Variants in COCH observed in about 807,000 individuals in gnomAD.
COCH encodes coagulation factor C homolog, cochlin (Limulus polyphemus).
In COCH, 40 loss-of-function variants were observed where a neutral mutation model predicts 54.8. The observed-to-expected ratio is 0.73, with a 90% CI of 0.57 to 0.95. COCH has a LOEUF of 0.95. COCH is among the 40% of genes least tolerant of loss of function. The pLI is 0.00. For synonymous variants in COCH, 256 were observed against 237.9 expected, an observed-to-expected ratio of 1.08 and a Z score of -0.70; for missense variants, 605 against 675.0, an observed-to-expected ratio of 0.90 and a Z score of 1.15.
chr14:30,889,519 C>T, intron 11 of COCH, 97 bp from the exon 12 acceptor site: 2 of 1,102,716 alleles, frequency 1.8e-6, no homozygotes, highest in Non-Finnish European at 1.4e-6. Flanking sequence ...GCAGTTTTCG[C>T]TGCAACTATG....
chr14:30,884,762 C>G, intron 9 of COCH, 106 bp downstream of exon 9: 1 of 1,284,486 alleles, frequency 7.8e-7, no homozygotes, highest in African/African-American at 1.5e-5. Flanking sequence ...TGAAATCCTC[C>G]TGGAACTGAA....
intron 8 of COCH, among the ~76,000 whole-genome samples, chr14:30,883,276 C>A (rs879634264): frequency 1.3e-5 from 2 of 152,188 alleles, no homozygotes; most frequent in Non-Finnish European, 2.9e-5. Flanking sequence ...TCCCATGAGG[C>A]AAATTCCCCT....
rs1895759581 is a variant in COCH at position 30,885,605 on chromosome 14, C to T, written c.945C>T (p.Val315=). The T allele has an allele frequency of 6.2e-7, 1 of 1,600,146 alleles. No homozygotes were observed. Among genetic ancestry groups the T allele is most frequent in the African/African-American group, 1.3e-5 (1 of 74,614 alleles). The change falls in exon 10 of 12, where the codon GTC becomes GTT. Residue 315 remains valine, a synonymous_variant. Coordinates refer to ENST00000396618, the MANE Select transcript of COCH (RefSeq NM_004086.3). ...IPEELGMVQD[V]TFVDKAVCRN... ...AAGAACTGGGGATGGTTCAGGATGT[C>T]ACATTTGTTGACAAGGTAAAGTGGT...
Position 30,885,820 on chromosome 14 carries a change from T to C in COCH, c.985T>C (p.Phe329Leu). ...GGCTGTCTGTCGGAATAATGGCTTCTTCTCTTACCACATGCCCAACTGGTT... is the reference window on the plus strand; with the variant it reads ...GGCTGTCTGTCGGAATAATGGCTTCCTCTCTTACCACATGCCCAACTGGTT... ...DKAVCRNNGF[F>L]SYHMPNWFGT... is the part of the protein sequence containing the mutation. Residue 329 changes from phenylalanine (F) to leucine (L), a missense_variant, in exon 11 of 12, where the codon TTC becomes CTC. By Grantham distance (22) the Phe-to-Leu change is conservative (BLOSUM62 0). Coordinates refer to ENST00000396618, the MANE Select transcript of COCH (RefSeq NM_004086.3). 6.2e-7 allele frequency: 1 copy of C among 1,614,144 alleles called. No individual in the cohort carries two copies. Among genetic ancestry groups the C allele is most frequent in the Non-Finnish European group, 8.5e-7 (1 of 1,180,026 alleles).
intron 11 of COCH, among the ~76,000 whole-genome samples, chr14:30,888,793 A>G (rs80063876): frequency 8.6e-5 from 7 of 81,792 alleles, no homozygotes; most frequent in Non-Finnish European, 1.9e-4. Flanking sequence ...CCTGTCTGAG[A>G]AAAAAAAAAA....
At position 30,877,098 on chromosome 14, in the gene COCH, C is replaced by T. The variant is rs529550178; in HGVS notation, c.83-474C>T. On this transcript the variant is annotated intron_variant, in intron 3 of 11. Coordinates refer to ENST00000396618, the MANE Select transcript of COCH (RefSeq NM_004086.3). The surrounding 1 kb of genome is among the most constrained non-coding windows in gnomAD (Gnocchi z 8.6). ...TGCTGGGATTATAGGCATGAGTCAC[C>T]ACGCCCAGCCAAGATTTTTTATATT... Among the ~76,000 whole-genome samples, 52 of 152,150 alleles carry T rather than the reference C, an allele frequency of 3.4e-4. 1 individual carries two copies. The South Asian group carries it at 5.4e-3, about 16-fold the overall frequency.
At chr14:30,888,769 C>T (rs1895879004) in intron 11 of COCH, among the ~76,000 whole-genome samples, 1 of 132,902 alleles carries the variant, frequency 7.5e-6, no homozygotes, top group Non-Finnish European at 1.6e-5. Flanking sequence ...CCAGCATGGG[C>T]AAAAGAGCCA....
chr14:30,885,784 C>T lies in COCH; in HGVS notation c.961-12C>T. ...ATCCTTTTGGATATCTTTTATGTGT[C>T]TCCCCCATTAGGCTGTCTGTCGGAA... On this transcript the variant is annotated splice_polypyrimidine_tract_variant and intron_variant, in intron 10 of 11. Transcript: ENST00000396618. 6.2e-7 allele frequency: 1 copy of T among 1,613,630 alleles called. No homozygotes were observed. The highest frequency in any genetic ancestry group is 1.1e-5 in the South Asian group (1 of 91,072).
At chr14:30,883,123 A>C (rs1895671590) in intron 8 of COCH, among the ~76,000 whole-genome samples, 1 of 152,246 alleles carries the variant, frequency 6.6e-6, no homozygotes, top group African/African-American at 2.4e-5. Flanking sequence ...CCTTAAAAAA[A>C]ATGTGTTCCT....
chr14:30,879,124 G>A (rs2138845389), intron 5 of COCH, among the ~76,000 whole-genome samples, 180 bp downstream of exon 5: 1 of 152,208 alleles, frequency 6.6e-6, no homozygotes, highest in South Asian at 2.1e-4. Context: ...GCCAAATTTG[G>A]GTGAATAGAA....
chr14:30,879,080 G>A, intron 5 of COCH, 136 bp downstream of exon 5: 1 of 1,310,830 alleles, frequency 7.6e-7, no homozygotes, highest in Non-Finnish European at 1.1e-6. Context: ...GAGGTAAACT[G>A]TAGGTTAGAC....
chr14:30,879,520 G>C, intron 6 of COCH, 35 bp downstream of exon 6: 2 of 1,604,324 alleles, frequency 1.2e-6, no homozygotes, highest in African/African-American at 1.3e-5. Context: ...TAGTTGCCCG[G>C]CACAGCATTT....
At chr14:30,882,120 G>GTTTTTTGT (rs1895618463) in intron 8 of COCH, among the ~76,000 whole-genome samples, 4 of 67,894 alleles carry the variant, frequency 5.9e-5, no homozygotes, top group African/African-American at 2.6e-4. Flanking sequence ...CTATAAAATG[G>GTTTTTTGT]TTTTTTTTTT....
intron 3 of COCH, chr14:30,875,393 C>G (rs1895321011): frequency 3.3e-6 from 2 of 597,508 alleles, no homozygotes; most frequent in Non-Finnish European, 5.9e-6. Context: ...GACCCCGGGC[C>G]CGCTGAGCGC....
chr14:30,888,414 A>G (rs1008469871), intron 11 of COCH, among the ~76,000 whole-genome samples: 1 of 152,152 alleles, frequency 6.6e-6, no homozygotes, highest in Non-Finnish European at 1.5e-5. Flanking sequence ...CTGTAGAGGA[A>G]AACTATTACA....
intron 8 of COCH, among the ~76,000 whole-genome samples, chr14:30,883,843 A>G (rs965291566): frequency 4.6e-5 from 7 of 152,252 alleles, no homozygotes; most frequent in Non-Finnish European, 8.8e-5. Context: ...TACAATACAC[A>G]TAATTTTAAG....
chr14:30,894,935 C>A (rs1594399043), downstream of COCH: 7 of 1,060,964 alleles, frequency 6.6e-6, no homozygotes, highest in South Asian at 1.7e-5. Context: ...AAAAGGGAAT[C>A]TGTGGCATTC....
rs1304133882 is a variant in COCH at position 30,885,452 on chromosome 14, AG to A, written c.795del (p.Ile266SerfsTer33). On this transcript the variant is annotated frameshift_variant, in exon 10 of 12. Coordinates refer to ENST00000396618, the MANE Select transcript of COCH (RefSeq NM_004086.3). LOFTEE classifies it high-confidence loss of function. Reference sequence around the variant, plus strand: ...TCACGGTAGATGCTGGAGTAAGAAAAGGGATCCCCAAAGTGGTGGTGGTATT... The same window carrying A: ...TCACGGTAGATGCTGGAGTAAGAAAAGGATCCCCAAAGTGGTGGTGGTATT... The part of the protein sequence containing the change: ...FFTVDAGVRK[G>X]IPKVVVVFID... 6.2e-7 allele frequency: 1 copy of A among 1,614,142 alleles called. No homozygotes were observed. The highest frequency in any genetic ancestry group is 1.1e-5 in the South Asian group (1 of 91,080).
At chr14:30,882,119 G>GTTTTTTTTTTTTTTTT (rs1566410309) in intron 8 of COCH, among the ~76,000 whole-genome samples, 5 of 84,898 alleles carry the variant, frequency 5.9e-5, no homozygotes, top group African/African-American at 2.4e-4. Flanking sequence ...ACTATAAAAT[G>GTTTTTTTTTTTTTTTT]GTTTTTTTTT....
Sources: allele counts gnomAD v4.1 joint callset (sites outside exome capture counted in the v4.1 genomes callset), GRCh38; gene constraint gnomAD v4.1.1; non-coding constraint Gnocchi (gnomAD v3.1); transcripts MANE v1.5; gene names NCBI Gene and HGNC (gene_info 2026-07-23, HGNC 2026-07-21).